The following HS3ST4 variants were observed in gnomAD, a reference collection of about 807,000 sequenced individuals.
The protein encoded by HS3ST4 is heparan sulfate-glucosamine 3-sulfotransferase 4.
Under a neutral mutation model 29.2 loss-of-function variants are expected in HS3ST4, and 17 were observed. That is an observed-to-expected ratio of 0.58 (90% CI 0.40 to 0.87). The LOEUF is 0.87. HS3ST4 is among the 40% of genes least tolerant of loss of function. The pLI, the probability that HS3ST4 is intolerant of heterozygous loss-of-function variation, is 0.00. For missense variants in HS3ST4, 627 were observed against 634.5 expected (o/e 0.99, Z 0.13); for synonymous variants, 314 against 285.7 (o/e 1.10, Z -1.00).
intron 1 of HS3ST4, among the ~76,000 whole-genome samples, chr16:26,028,333 T>G (rs1056777848): frequency 2.4e-4 from 36 of 151,550 alleles, no homozygotes; most frequent in Admixed American, 5.3e-4. Flanking sequence ...AGGGACTGTA[T>G]TTTTAATCCA....
chr16:25,707,938 A>C (rs180905788), intron 1 of HS3ST4, among the ~76,000 whole-genome samples: 10 of 152,340 alleles, frequency 6.6e-5, no homozygotes, highest in African/African-American at 2.4e-4. Context: ...TGGTAAGAGC[A>C]TCACTTATTG....
chr16:25,776,819 T>C (rs1452341791), intron 1 of HS3ST4, among the ~76,000 whole-genome samples: 3 of 152,194 alleles, frequency 2.0e-5, no homozygotes, highest in Non-Finnish European at 4.4e-5. Flanking sequence ...GTTTAAACTC[T>C]AAAATCTCTT....
intron 1 of HS3ST4, among the ~76,000 whole-genome samples, chr16:25,706,198 A>C (rs1404061040): frequency 6.6e-6 from 1 of 152,118 alleles, no homozygotes; most frequent in Non-Finnish European, 1.5e-5. Flanking sequence ...AAACCTACGG[A>C]GCTACGGGTC....
rs111564197 is a variant in HS3ST4 at position 26,037,723 on chromosome 16, A to G, written c.735-97889A>G. 3.5e-3 allele frequency among the ~76,000 whole-genome samples: 531 copies of G among 152,204 alleles called. 2 individuals are homozygous for G. The highest frequency in any genetic ancestry group is 0.012 in the African/African-American group (508 of 41,528). On this transcript the variant is annotated intron_variant, in intron 1 of 1. Transcript: ENST00000331351. ...CTAGGTATGTGGTATATTTCCTTTC[A>G]TTGGTGCCATTACCCTGGCCCCTGC...
chr16:25,796,662 G>A (rs1039109443), intron 1 of HS3ST4, among the ~76,000 whole-genome samples: 14 of 152,230 alleles, frequency 9.2e-5, no homozygotes, highest in African/African-American at 3.4e-4. Context: ...GTTGGTGGTG[G>A]AAGAAAGCAG....
At chr16:26,049,341 A>G (rs1898307686) in intron 1 of HS3ST4, among the ~76,000 whole-genome samples, 1 of 85,778 alleles carries the variant, frequency 1.2e-5, no homozygotes, top group South Asian at 3.2e-4. Flanking sequence ...GGAGGTCTAC[A>G]TCCGGAGGTC....
intron 1 of HS3ST4, among the ~76,000 whole-genome samples, chr16:26,059,573 G>A (rs955013619): frequency 6.6e-6 from 1 of 152,088 alleles, no homozygotes; most frequent in Non-Finnish European, 1.5e-5. Flanking sequence ...TGAACGGCAT[G>A]ACTAATAGTT....
At chr16:26,099,485 T>G (rs1305487123) in intron 1 of HS3ST4, among the ~76,000 whole-genome samples, 1 of 152,168 alleles carries the variant, frequency 6.6e-6, no homozygotes, top group Non-Finnish European at 1.5e-5. Context: ...AGAGTCAGAT[T>G]TCACTCTTAT....
At chr16:25,774,875 CCCAGCAGCACTGAATTT>C (rs1435390299) in intron 1 of HS3ST4, among the ~76,000 whole-genome samples, 2 of 152,164 alleles carry the variant, frequency 1.3e-5, no homozygotes, top group East Asian at 3.9e-4. Context: ...TGTCCCTGTC[CCCAGCAGCACTGAATTT>C]CCAGGGATGC....
intron 1 of HS3ST4, among the ~76,000 whole-genome samples, chr16:26,068,027 A>T (rs1248377038): frequency 6.6e-6 from 1 of 152,202 alleles, no homozygotes; most frequent in Non-Finnish European, 1.5e-5. Flanking sequence ...GTCTTTATTA[A>T]CAGCATTAGA....
chr16:25,728,851 G>A (rs1966553669), intron 1 of HS3ST4, among the ~76,000 whole-genome samples: 1 of 152,186 alleles, frequency 6.6e-6, no homozygotes, highest in Non-Finnish European at 1.5e-5. Context: ...GGGAGGCCAA[G>A]GCAGAAGGAT....
chr16:25,694,268 T>G (rs1281030127), intron 1 of HS3ST4, among the ~76,000 whole-genome samples: 2 of 152,252 alleles, frequency 1.3e-5, no homozygotes, highest in Non-Finnish European at 2.9e-5. Context: ...TGAGGAGATG[T>G]GCTTTCTAGG....
intron 1 of HS3ST4, among the ~76,000 whole-genome samples, chr16:25,963,631 A>G (rs918914112): frequency 2.0e-5 from 3 of 152,218 alleles, no homozygotes; most frequent in African/African-American, 7.2e-5. Flanking sequence ...TTTCATCAGC[A>G]TTTTACTCTC....
intron 1 of HS3ST4, among the ~76,000 whole-genome samples, chr16:26,057,815 G>A (rs755562501): frequency 2.6e-5 from 4 of 152,184 alleles, no homozygotes; most frequent in Non-Finnish European, 4.4e-5. Context: ...CTTTGTGGGG[G>A]TCGTGCAGGT....
intron 1 of HS3ST4, among the ~76,000 whole-genome samples, chr16:25,728,860 A>T (rs899840989): frequency 6.6e-6 from 1 of 152,196 alleles, no homozygotes; most frequent in Admixed American, 6.5e-5. Context: ...AGGCAGAAGG[A>T]TCTTGTGAGC....
chr16:26,004,516 A>T (rs996129027), intron 1 of HS3ST4, among the ~76,000 whole-genome samples: 3 of 152,184 alleles, frequency 2.0e-5, no homozygotes, highest in Non-Finnish European at 4.4e-5. Context: ...AAAACATAAC[A>T]CAAGAAGCAG....
Position 26,134,749 on chromosome 16 carries a change from C to T in HS3ST4, c.735-863C>T, listed in dbSNP as rs192136799. On this transcript the variant is annotated intron_variant, in intron 1 of 1. Coordinates refer to ENST00000331351, the MANE Select transcript of HS3ST4 (RefSeq NM_006040.3). ...ATGTTTATTCCCTGTCCCTGGGCTT[C>T]GGTTTTCTCATTTGCACAATAATAC... 6.3e-4 allele frequency among the ~76,000 whole-genome samples: 96 copies of T among 152,252 alleles called. No individual in the cohort carries two copies. The East Asian group carries it at 8.7e-3, about 14-fold the overall frequency.
At chr16:25,980,605 C>A (rs1392172166) in intron 1 of HS3ST4, among the ~76,000 whole-genome samples, 2 of 152,168 alleles carry the variant, frequency 1.3e-5, no homozygotes, top group African/African-American at 4.8e-5. Context: ...AAGGTTATGA[C>A]AAAGGCTTCT....
At chr16:26,061,414 A>G (rs1182112332) in intron 1 of HS3ST4, among the ~76,000 whole-genome samples, 1 of 152,172 alleles carries the variant, frequency 6.6e-6, no homozygotes, top group Admixed American at 6.6e-5. Context: ...ACCAACTTCC[A>G]AGTCTCCACA....
Sources: allele counts gnomAD v4.1 joint callset (sites outside exome capture counted in the v4.1 genomes callset), GRCh38; gene constraint gnomAD v4.1.1; transcripts MANE v1.5; gene names NCBI Gene and HGNC (gene_info 2026-07-23, HGNC 2026-07-21).